Variants in NDST3 observed in about 807,000 individuals in gnomAD.
NDST3 encodes the protein bifunctional heparan sulfate N-deacetylase/N-sulfotransferase 3.
A neutral mutation model predicts 96.1 loss-of-function variants in NDST3; 58 were observed. The observed-to-expected ratio is 0.60, with a 90% CI of 0.49 to 0.75. NDST3 has a LOEUF of 0.75. Among genes scored for constraint, NDST3 ranks in the 30% least tolerant of loss-of-function variants. The probability of loss-of-function intolerance (pLI) is 0.00; values close to 1 mark genes in which losing one functional copy is unlikely to be tolerated. For synonymous variants in NDST3, 333 were observed against 359.7 expected, an observed-to-expected ratio of 0.93 and a Z score of 0.84; for missense variants, 788 against 1,034.2, an observed-to-expected ratio of 0.76 and a Z score of 3.27.
chr4:118,191,872 C>T (rs1737330192), intron 6 of NDST3, among the ~76,000 whole-genome samples: 1 of 152,164 alleles, frequency 6.6e-6, no homozygotes, highest in Admixed American at 6.5e-5. Flanking sequence ...CTGTTCTCCA[C>T]AGTAGTTGTA....
At chr4:118,233,946 C>A (rs77813806) in intron 9 of NDST3, among the ~76,000 whole-genome samples, 5,957 of 152,238 alleles carry the variant, frequency 0.039, 178 homozygotes, top group African/African-American at 0.085. Flanking sequence ...CCCTGAGGAG[C>A]TGCTTATGAG....
chr4:118,222,050 G>C (rs1578835271), intron 6 of NDST3, among the ~76,000 whole-genome samples: 1 of 149,284 alleles, frequency 6.7e-6, no homozygotes, highest in Admixed American at 6.7e-5. Context: ...AATTGTAAAA[G>C]TATCATCTTT....
intron 12 of NDST3, among the ~76,000 whole-genome samples, chr4:118,253,189 AT>A (rs1276844056): frequency 1.3e-5 from 2 of 152,126 alleles, no homozygotes; most frequent in Admixed American, 6.5e-5. Context: ...ATATTTATGC[AT>A]TTTTTCCTTC....
chr4:118,249,253 T>A (rs936785009), intron 12 of NDST3, among the ~76,000 whole-genome samples: 2 of 152,240 alleles, frequency 1.3e-5, no homozygotes, highest in African/African-American at 2.4e-5. Context: ...CAAGGTATAT[T>A]AGCAAAAAGT....
chr4:118,083,583 G>A (rs1283376851), intron 2 of NDST3, among the ~76,000 whole-genome samples: 1 of 152,110 alleles, frequency 6.6e-6, no homozygotes, highest in African/African-American at 2.4e-5. Context: ...TGTACCTTGG[G>A]AGTGCTGGTT....
chr4:118,058,624 T>C (rs1042925757), intron 2 of NDST3, among the ~76,000 whole-genome samples: 7 of 41,234 alleles, frequency 1.7e-4, no homozygotes, highest in African/African-American at 2.8e-4. Flanking sequence ...TGTGTGTGTG[T>C]GTGTGTGTGT....
chr4:118,054,932 T>C, intron 2 of NDST3, 41 bp downstream of exon 2: 2 of 1,599,204 alleles, frequency 1.3e-6, no homozygotes, highest in African/African-American at 2.7e-5. Context: ...TCAGTTCATC[T>C]TCCAGCAGGG....
chr4:118,226,128 G>A (rs569597480), intron 7 of NDST3, among the ~76,000 whole-genome samples: 3 of 152,006 alleles, frequency 2.0e-5, no homozygotes, highest in South Asian at 4.2e-4. Flanking sequence ...ATAAAAAAGT[G>A]GTACTGTTTG....
At chr4:118,128,171 T>C (rs1732281450) in intron 4 of NDST3, among the ~76,000 whole-genome samples, 1 of 152,084 alleles carries the variant, frequency 6.6e-6, no homozygotes, top group African/African-American at 2.4e-5. Context: ...TTGAATGCCC[T>C]TCATTTCTTT....
chr4:118,057,839 A>G (rs1725552659), intron 2 of NDST3, among the ~76,000 whole-genome samples: 1 of 152,022 alleles, frequency 6.6e-6, no homozygotes. Context: ...TGTATAAAGG[A>G]AAAAAGAGAA....
intron 1 of NDST3, among the ~76,000 whole-genome samples, chr4:118,036,320 A>T (rs967289858): frequency 6.6e-6 from 1 of 152,156 alleles, no homozygotes; most frequent in Non-Finnish European, 1.5e-5. Context: ...TATTTTTTTA[A>T]ACTATATGTA....
At chr4:118,185,057 C>T (rs1027151821) in intron 6 of NDST3, among the ~76,000 whole-genome samples, 2 of 152,024 alleles carry the variant, frequency 1.3e-5, no homozygotes, top group Non-Finnish European at 2.9e-5. Flanking sequence ...TCTTATATTT[C>T]GTTAAGAGAC....
intron 12 of NDST3, among the ~76,000 whole-genome samples, chr4:118,251,243 C>A (rs1741712822): frequency 6.6e-6 from 1 of 150,416 alleles, no homozygotes; most frequent in African/African-American, 2.4e-5. Flanking sequence ...TCTCCTGCCT[C>A]AGCCTCCCAA....
At chr4:118,195,335 G>A (rs1420527173) in intron 6 of NDST3, among the ~76,000 whole-genome samples, 1 of 152,128 alleles carries the variant, frequency 6.6e-6, no homozygotes, top group African/African-American at 2.4e-5. Flanking sequence ...TATAATGGGG[G>A]CAGTTCCCCC....
intron 6 of NDST3, among the ~76,000 whole-genome samples, chr4:118,162,908 AAAAC>A (rs1404816833): frequency 6.7e-6 from 1 of 148,166 alleles, no homozygotes; most frequent in African/African-American, 2.5e-5. Flanking sequence ...TTACAAGAAA[AAAAC>A]AAACAACCCC....
intron 2 of NDST3, among the ~76,000 whole-genome samples, chr4:118,101,163 G>T (rs1729733865): frequency 6.6e-6 from 1 of 151,598 alleles, no homozygotes; most frequent in South Asian, 2.1e-4. Context: ...AAATCTTCAT[G>T]TAAAACTTCT....
At chr4:118,245,562 C>A (rs1741255514) in intron 12 of NDST3, among the ~76,000 whole-genome samples, 1 of 151,994 alleles carries the variant, frequency 6.6e-6, no homozygotes, top group African/African-American at 2.4e-5. Context: ...GTTTTCCTAC[C>A]CACTGTAGAT....
intron 6 of NDST3, among the ~76,000 whole-genome samples, chr4:118,204,143 T>C (rs1738280361): frequency 6.6e-6 from 1 of 152,122 alleles, no homozygotes; most frequent in African/African-American, 2.4e-5. Flanking sequence ...AGCTTTGAAT[T>C]CTGAGAGAGA....
intron 6 of NDST3, among the ~76,000 whole-genome samples, chr4:118,223,426 C>T (rs574264377): frequency 1.3e-5 from 2 of 152,090 alleles, no homozygotes; most frequent in Admixed American, 1.3e-4. Flanking sequence ...TATTTTAAAT[C>T]ACTCACAAAA....
Sources: gnomAD v4.1 joint callset for allele counts (sites outside exome capture counted in the v4.1 genomes callset) on GRCh38, gnomAD v4.1.1 for gene constraint, MANE v1.5 for transcripts, NCBI Gene and HGNC (gene_info 2026-07-23, HGNC 2026-07-21) for gene names.